PALM2AKAP2: variants seen among roughly 807,000 people sequenced by gnomAD.
PALM2AKAP2 encodes PALM2-AKAP2 fusion protein.
PALM2AKAP2 carries 37 observed loss-of-function variants against 71.5 expected under a neutral mutation model. The observed-to-expected ratio is 0.52, with a 90% CI of 0.40 to 0.68. PALM2AKAP2 has a LOEUF of 0.68. Ranked by LOEUF, PALM2AKAP2 falls within the 30% of genes least tolerant of loss-of-function variation. The pLI, the probability that PALM2AKAP2 is intolerant of heterozygous loss-of-function variation, is 0.00. For synonymous variants in PALM2AKAP2, 468 were observed against 478.8 expected (o/e 0.98, Z 0.29); for missense variants, 1,224 against 1,191.8 (o/e 1.03, Z -0.40).
intron 1 of PALM2AKAP2, among the ~76,000 whole-genome samples, chr9:110,086,122 A>AG (rs1834567927): frequency 6.6e-6 from 1 of 151,826 alleles, no homozygotes. Context: ...AAAAAAAAAA[A>AG]AGAAATAACT....
intron 1 of PALM2AKAP2, among the ~76,000 whole-genome samples, chr9:109,674,514 G>C (rs1200993798): frequency 1.3e-5 from 2 of 151,992 alleles, no homozygotes; most frequent in Non-Finnish European, 2.9e-5. Context: ...ACTTTGTGGA[G>C]GGTTGATTTT....
chr9:110,099,740 G>T (rs1834946933), intron 1 of PALM2AKAP2, among the ~76,000 whole-genome samples: 1 of 152,078 alleles, frequency 6.6e-6, no homozygotes, highest in Non-Finnish European at 1.5e-5. Flanking sequence ...TGGCCACATA[G>T]CTTGCCCTGT....
At chr9:109,830,409 A>C (rs548954191) in intron 1 of PALM2AKAP2, among the ~76,000 whole-genome samples, 1 of 152,304 alleles carries the variant, frequency 6.6e-6, no homozygotes, top group South Asian at 2.1e-4. Context: ...TCCGTTCATC[A>C]AACCAGGGGC....
rs139755794 is a variant in PALM2AKAP2, at chr9:109,862,694, T to C, written c.46-4797T>C. On this transcript the variant is annotated intron_variant, in intron 1 of 9. Coordinates refer to the PALM2AKAP2 transcript ENST00000302798. Reference sequence around the variant, plus strand: ...ATGACTGGCATTTCCACCAGAGCCATTTACAGTGAGGGTAGATGTGTTTCC... The same window carrying C: ...ATGACTGGCATTTCCACCAGAGCCACTTACAGTGAGGGTAGATGTGTTTCC... 4.8e-3 allele frequency among the ~76,000 whole-genome samples: 733 copies of C among 152,242 alleles called. 7 individuals carry two copies. Among genetic ancestry groups the C allele is most frequent in the African/African-American group, 0.017 (695 of 41,552 alleles).
intron 1 of PALM2AKAP2, among the ~76,000 whole-genome samples, chr9:110,098,272 T>C (rs956210679): frequency 3.3e-5 from 5 of 152,152 alleles, no homozygotes; most frequent in African/African-American, 1.2e-4. Flanking sequence ...TAAAATGGGA[T>C]AATAATAGTA....
intron 1 of PALM2AKAP2, among the ~76,000 whole-genome samples, chr9:109,745,385 T>G (rs1022568405): frequency 2.6e-5 from 4 of 152,084 alleles, no homozygotes; most frequent in African/African-American, 7.2e-5. Context: ...AGGCTCATAG[T>G]TCCAGGCTCT....
intron 6 of PALM2AKAP2, among the ~76,000 whole-genome samples, chr9:109,960,210 C>A (rs954372916): frequency 7.9e-5 from 12 of 152,102 alleles, no homozygotes; most frequent in Admixed American, 7.9e-4. Flanking sequence ...CCTGGAGAAG[C>A]CTTCATCCTG....
chr9:109,655,796 C>T (rs1180412413), intron 1 of PALM2AKAP2, among the ~76,000 whole-genome samples: 1 of 152,186 alleles, frequency 6.6e-6, no homozygotes, highest in Non-Finnish European at 1.5e-5. Context: ...AATAATATTC[C>T]ATTGTATGGC....
In PALM2AKAP2 at chr9:110,147,769, C is replaced by G. The variant is rs183279100; in HGVS notation, c.2570-8550C>G. 8.5e-5 allele frequency among the ~76,000 whole-genome samples: 13 copies of G among 152,216 alleles called. No homozygotes were observed. In the East Asian group the frequency reaches 2.5e-3, roughly 29 times the overall value. ...TGAGTGACAAAGCAAGACCCTGTCT[C>G]TAAAAAGAAAGAAAAGGCCAGAAAG... On this transcript the variant is annotated intron_variant, in intron 2 of 3. Transcript: ENST00000374525.
At chr9:109,917,420 C>A (rs941652184) in intron 3 of PALM2AKAP2, among the ~76,000 whole-genome samples, 14 of 151,722 alleles carry the variant, frequency 9.2e-5, no homozygotes, top group Non-Finnish European at 1.9e-4. Context: ...CTCTTTAGCA[C>A]CAGGTCCCTG....
intron 1 of PALM2AKAP2, among the ~76,000 whole-genome samples, chr9:109,859,945 A>G (rs139871487): frequency 6.6e-6 from 1 of 152,344 alleles, no homozygotes; most frequent in East Asian, 1.9e-4. Flanking sequence ...GTGTCTATTT[A>G]TTTTTCAGTG....
At chr9:109,953,238 T>G (rs765871522) in intron 6 of PALM2AKAP2, among the ~76,000 whole-genome samples, 4 of 152,194 alleles carry the variant, frequency 2.6e-5, no homozygotes, top group African/African-American at 7.2e-5. Context: ...ACTCTAAATA[T>G]AGCAGGAGGA....
intron 6 of PALM2AKAP2, among the ~76,000 whole-genome samples, chr9:110,006,753 T>G (rs529072535): frequency 6.6e-6 from 1 of 152,304 alleles, no homozygotes; most frequent in South Asian, 2.1e-4. Flanking sequence ...GCCATTCCAA[T>G]CTACATGTGC....
chr9:109,870,059 C>A (rs1017313237), intron 2 of PALM2AKAP2, among the ~76,000 whole-genome samples: 2 of 152,132 alleles, frequency 1.3e-5, no homozygotes, highest in Admixed American at 6.5e-5. Flanking sequence ...TGCAGAGAGA[C>A]CCCCAGCTTT....
At chr9:109,728,246 C>G (rs1272807947) in intron 1 of PALM2AKAP2, among the ~76,000 whole-genome samples, 1 of 152,006 alleles carries the variant, frequency 6.6e-6, no homozygotes, top group Non-Finnish European at 1.5e-5. Context: ...TTAAGCATTT[C>G]TACGTGTTAA....
intron 6 of PALM2AKAP2, among the ~76,000 whole-genome samples, chr9:109,938,055 AC>A (rs1831271761): frequency 6.6e-6 from 1 of 152,198 alleles, no homozygotes; most frequent in Non-Finnish European, 1.5e-5. Context: ...ATTGGTATAA[AC>A]TTTTGGCAGC....
intron 1 of PALM2AKAP2, among the ~76,000 whole-genome samples, chr9:110,092,316 A>T (rs1834732921): frequency 6.6e-6 from 1 of 152,142 alleles, no homozygotes; most frequent in Non-Finnish European, 1.5e-5. Context: ...TGAGTGACAG[A>T]GTGAGACTCC....
At position 110,096,713 on chromosome 9, in the gene PALM2AKAP2, G is replaced by A. The variant is rs149405656; in HGVS notation, c.157-39414G>A. Among the ~76,000 whole-genome samples the A allele has an allele frequency of 6.9e-4, 104 of 151,216 alleles. 1 individual carries two copies. In the East Asian group the frequency reaches 0.016, roughly 23 times the overall value. The stretch of plus-strand genomic sequence containing the variant: ...GTCCAAAATGAGGAGATGCATCCCC[G>A]CACCTAGAGGTGTACAGTCTAGTGG... On this transcript the variant is annotated intron_variant, in intron 1 of 3. Transcript: ENST00000374525.
At chr9:109,669,444 T>A (rs947685162) in intron 1 of PALM2AKAP2, among the ~76,000 whole-genome samples, 18 of 152,244 alleles carry the variant, frequency 1.2e-4, no homozygotes, top group African/African-American at 4.1e-4. Flanking sequence ...GGTTCAGAGT[T>A]ATGTTGGCAT....
Sources: allele counts gnomAD v4.1 joint callset (sites outside exome capture counted in the v4.1 genomes callset), GRCh38; gene constraint gnomAD v4.1.1; transcripts MANE v1.5; gene names NCBI Gene and HGNC (gene_info 2026-07-23, HGNC 2026-07-21).